RTBDN: variants seen among roughly 807,000 people sequenced by gnomAD.
The protein encoded by RTBDN is retbindin.
RTBDN carries 24 observed loss-of-function variants against 21.9 expected under a neutral mutation model. The observed-to-expected ratio is 1.10, with a 90% confidence interval of 0.79 to 1.54. The LOEUF is 1.54. Ranked by LOEUF, RTBDN falls within the 40% of genes most tolerant of loss-of-function variation. The pLI is 0.00. For synonymous variants in RTBDN, 141 were observed against 125.9 expected, an observed-to-expected ratio of 1.12 and a Z score of -0.80; for missense variants, 325 against 315.2, an observed-to-expected ratio of 1.03 and a Z score of -0.23.
chr19:12,835,269 G>A, upstream of RTBDN: 3 of 654,094 alleles, frequency 4.6e-6, no homozygotes, highest in Non-Finnish European at 2.7e-6. Context: ...AGCCCAGATG[G>A]CCCGATCTCC....
At chr19:12,826,132 T>A in intron 5 of RTBDN, 199 bp from the exon 6 acceptor site, 1 of 1,376,446 alleles carries the variant, frequency 7.3e-7, no homozygotes, top group Non-Finnish European at 9.4e-7. Context: ...CCTAGCGGGA[T>A]GAATCAGGGT....
intron 1 of RTBDN, among the ~76,000 whole-genome samples, chr19:12,832,063 G>A (rs369278420): frequency 7.2e-5 from 11 of 152,172 alleles, no homozygotes; most frequent in Admixed American, 1.3e-4. Context: ...GGATGTTTGC[G>A]TGTGTCTGCA....
chr19:12,826,966 C>T lies in RTBDN; in HGVS notation c.366-95G>A, dbSNP rs1471980704. 8 of 853,022 alleles carry T rather than the reference C, an allele frequency of 9.4e-6. No homozygotes were observed. In the Admixed American group the frequency reaches 1.2e-4, roughly 13 times the overall value. The allele number at this position is 853,022 out of a possible 1,614,324, so 52.8% of individuals were successfully genotyped here. A position where few individuals can be genotyped will look rare whatever the true frequency, so the allele number is the denominator to read the frequency against. Reference sequence around the variant, plus strand: ...AGACTGTGTTCACTATATGCCCCCACCTCGGATCCAGGCCCCGCCTTTTAG... The same window carrying T: ...AGACTGTGTTCACTATATGCCCCCATCTCGGATCCAGGCCCCGCCTTTTAG... On this transcript the variant is annotated intron_variant, in intron 4 of 5. Coordinates refer to ENST00000674343, the MANE Select transcript of RTBDN (RefSeq NM_001270441.2).
chr19:12,826,396 G>A, intron 5 of RTBDN: 3 of 1,274,166 alleles, frequency 2.4e-6, no homozygotes, highest in Non-Finnish European at 3.0e-6. Context: ...GACACGGTAA[G>A]AAAGAACTTG....
upstream of RTBDN, chr19:12,835,088 G>T (rs1184527061): frequency 1.2e-6 from 2 of 1,612,744 alleles, no homozygotes; most frequent in South Asian, 1.1e-5. Context: ...CTCACCTAGG[G>T]CTTCGTCCAT....
rs543875393 is a variant in RTBDN at position 12,832,322 on chromosome 19, G to A, written c.-19+2167C>T. On this transcript the variant is annotated intron_variant, in intron 1 of 5. Transcript: ENST00000674343. ...ACAGTAGGTACTCAATATGTGGTAAGTGAACAAATCAGTAGATACCGTCTC... is the reference window on the plus strand; with the variant it reads ...ACAGTAGGTACTCAATATGTGGTAAATGAACAAATCAGTAGATACCGTCTC... Among the ~76,000 whole-genome samples, 7 of 152,260 alleles carry A rather than the reference G, an allele frequency of 4.6e-5. 1 individual carries two copies. The highest frequency in any genetic ancestry group is 1.4e-4 in the African/African-American group (6 of 41,552).
chr19:12,826,415 CG>C (rs1490316118), intron 5 of RTBDN: 19 of 1,263,084 alleles, frequency 1.5e-5, no homozygotes, highest in Admixed American at 2.8e-5. Flanking sequence ...TGGTGGGGGC[CG>C]GGGGCGGTGG....
intron 1 of RTBDN, among the ~76,000 whole-genome samples, chr19:12,831,277 C>T (rs952301303): frequency 2.0e-5 from 3 of 152,166 alleles, no homozygotes; most frequent in Non-Finnish European, 4.4e-5. Context: ...TGTGTGCACA[C>T]ATTATGTGTC....
upstream of RTBDN, chr19:12,834,843 G>C (rs750783736): frequency 1.9e-6 from 3 of 1,614,202 alleles, no homozygotes; most frequent in South Asian, 3.3e-5. The surrounding 1 kb of genome is among the most constrained non-coding windows in gnomAD (Gnocchi z 4.7). Context: ...CTTCAGCTGC[G>C]TTTCTGAGGG....
Position 12,825,782 on chromosome 19 carries a change from C to G in RTBDN, c.614G>C (p.Arg205Pro), listed in dbSNP as rs1568393626. Reference sequence around the variant, plus strand: ...GATGGAGGTGCGAGGGCTGCGGGAACGCCGGGAGGGAGCTTCCCGGCCCCG... The same window carrying G: ...GATGGAGGTGCGAGGGCTGCGGGAAGGCCGGGAGGGAGCTTCCCGGCCCCG... Reference protein sequence around the residue: ...GRRGREAPSRRSRSPRTSILD... With the variant: ...GRRGREAPSRPSRSPRTSILD... Residue 205 changes from arginine (R) to proline (P), a missense_variant, in exon 6 of 6, where the codon CGT becomes CCT. Arg to Pro is a moderately radical substitution (Grantham distance 103). Coordinates refer to ENST00000674343, the MANE Select transcript of RTBDN (RefSeq NM_001270441.2). 2 of 1,610,614 alleles carry G rather than the reference C, an allele frequency of 1.2e-6. No individual in the cohort carries two copies. Among genetic ancestry groups the G allele is most frequent in the Non-Finnish European group, 1.7e-6 (2 of 1,178,056 alleles).
chr19:12,825,983 G>A (rs1225235110), intron 5 of RTBDN, 50 bp from the exon 6 acceptor site: 2 of 1,498,952 alleles, frequency 1.3e-6, no homozygotes. Context: ...CAGAGACGTG[G>A]GGGGCGTGGC....
At chr19:12,826,329 GC>G in intron 5 of RTBDN, 5 of 1,225,900 alleles carry the variant, frequency 4.1e-6, no homozygotes, top group Non-Finnish European at 5.2e-6. Flanking sequence ...AGGAGGTTGG[GC>G]TAGGGAAGGG....
chr19:12,829,122 A>G (rs1197402722), intron 2 of RTBDN, 169 bp from the exon 3 acceptor site: 2 of 1,102,116 alleles, frequency 1.8e-6, no homozygotes, highest in Non-Finnish European at 2.5e-6. Context: ...AGTAGTAATA[A>G]TCATTTCTTG....
At chr19:12,829,545 A>G (rs1302688494) in intron 2 of RTBDN, among the ~76,000 whole-genome samples, 2 of 152,112 alleles carry the variant, frequency 1.3e-5, no homozygotes, top group Non-Finnish European at 2.9e-5. Context: ...TCTGCGAGGT[A>G]TATTTGTTAT....
upstream of RTBDN, chr19:12,835,174 T>C: frequency 4.8e-6 from 7 of 1,458,250 alleles, no homozygotes; most frequent in South Asian, 8.1e-5. Context: ...GCAGGAAAAA[T>C]GGTGATCAGA....
intron 2 of RTBDN, among the ~76,000 whole-genome samples, chr19:12,829,194 CTTT>C (rs142640807): frequency 1.4e-5 from 2 of 146,736 alleles, no homozygotes; most frequent in African/African-American, 5.0e-5. Context: ...AATCCTTTTC[CTTT>C]TTTTTTTTTC....
chr19:12,828,615 G>T, intron 4 of RTBDN, 42 bp downstream of exon 4: 1 of 1,498,072 alleles, frequency 6.7e-7, no homozygotes, highest in Non-Finnish European at 9.2e-7. Flanking sequence ...CCTCTTCCCC[G>T]CCCAAGTCAC....
chr19:12,826,860 C>A lies in RTBDN; in HGVS notation c.377G>T (p.Cys126Phe), dbSNP rs529173242. ...CGGGCCGCAGGTGATATCATCTTCG[C>A]AGTTGGCGAACCTGGAGATGGCGAG... ...EELCQAWFANCEDDITCGPTW... is the reference protein window; with the variant it reads ...EELCQAWFANFEDDITCGPTW... Residue 126 changes from cysteine (C) to phenylalanine (F), a missense_variant, in exon 5 of 6, where the codon TGC (cysteine) becomes TTC (phenylalanine). By Grantham distance (205) the Cys-to-Phe change is radical. Transcript: ENST00000674343. 2.6e-6 allele frequency: 4 copies of A among 1,551,478 alleles called. No homozygotes were observed. In the East Asian group the frequency reaches 9.8e-5, roughly 38 times the overall value.
chr19:12,829,120 T>G, intron 2 of RTBDN, 167 bp from the exon 3 acceptor site: 5 of 1,112,510 alleles, frequency 4.5e-6, no homozygotes, highest in Non-Finnish European at 6.2e-6. Flanking sequence ...CAAGTAGTAA[T>G]AATCATTTCT....
Sources: gnomAD v4.1 joint callset for allele counts (sites outside exome capture counted in the v4.1 genomes callset) on GRCh38, gnomAD v4.1.1 for gene constraint, Gnocchi (gnomAD v3.1) non-coding constraint, MANE v1.5 for transcripts, NCBI Gene and HGNC (gene_info 2026-07-23, HGNC 2026-07-21) for gene names.